Variants in AK8 observed in about 807,000 individuals in gnomAD.
AK8 encodes the protein adenylate kinase 8, also known as ATP-AMP transphosphorylase 8.
In AK8, 44 loss-of-function variants were observed where a neutral mutation model predicts 54.6. The observed-to-expected ratio is 0.81, with a 90% confidence interval of 0.63 to 1.04. The LOEUF (loss-of-function observed/expected upper bound fraction) is 1.04, where lower values mean the gene tolerates loss of function less well. Among genes scored for constraint, AK8 ranks in the 50% least tolerant of loss-of-function variants. AK8 has a pLI of 0.00. For missense variants in AK8, 555 were observed against 613.6 expected, an observed-to-expected ratio of 0.90 and a Z score of 1.01; for synonymous variants, 239 against 245.6, an observed-to-expected ratio of 0.97 and a Z score of 0.25.
At chr9:132,807,911 A>G (rs1044649263) in intron 10 of AK8, among the ~76,000 whole-genome samples, 4 of 152,084 alleles carry the variant, frequency 2.6e-5, no homozygotes, top group African/African-American at 9.7e-5. Flanking sequence ...GAAGGAGCTG[A>G]GGACATCATT....
At position 132,863,214 on chromosome 9, in the gene AK8, G is replaced by A. The variant is rs145683818; in HGVS notation, c.333+451C>T. On this transcript the variant is annotated intron_variant, in intron 4 of 12. Transcript: ENST00000298545. The stretch of plus-strand genomic sequence containing the variant: ...GTGCCCAAGGCTATGGGAGGGAGAC[G>A]CCTCTAAGGTACAGAACATGGGGGC... Among the ~76,000 whole-genome samples, 521 of 152,326 alleles carry A rather than the reference G, an allele frequency of 3.4e-3. 3 individuals are homozygous for A. The highest frequency in any genetic ancestry group is 0.012 in the African/African-American group (483 of 41,580).
In AK8 at chr9:132,860,325, T is replaced by C. The variant is rs138762143; in HGVS notation, c.333+3340A>G. On this transcript the variant is annotated intron_variant, in intron 4 of 12. Transcript: ENST00000298545. The surrounding 1 kb of genome is among the most constrained non-coding windows in gnomAD (Gnocchi z 4.4). The stretch of plus-strand genomic sequence containing the variant: ...ACACTTCTAGGTGTGATAATGTGTC[T>C]CTATGCGTTTACTGAAAAAGGGCCC... Among the ~76,000 whole-genome samples, 165 of 152,278 alleles carry C rather than the reference T, an allele frequency of 1.1e-3. No homozygotes were observed. The highest frequency in any genetic ancestry group is 3.9e-3 in the African/African-American group (162 of 41,546).
chr9:132,740,127 A>G (rs745846355), intron 11 of AK8, among the ~76,000 whole-genome samples: 17 of 152,188 alleles, frequency 1.1e-4, no homozygotes, highest in Non-Finnish European at 1.9e-4. Flanking sequence ...CAGTTCTAGC[A>G]CGCCCCTGCC....
chr9:132,736,186 CTTTT>C (rs34977784), intron 11 of AK8, among the ~76,000 whole-genome samples: 2 of 135,366 alleles, frequency 1.5e-5, no homozygotes, highest in Admixed American at 7.4e-5. Flanking sequence ...ACTATTCAGT[CTTTT>C]TTTTTTTTTT....
intron 5 of AK8, among the ~76,000 whole-genome samples, chr9:132,834,265 A>T (rs963995343): frequency 6.6e-6 from 1 of 152,216 alleles, no homozygotes; most frequent in Non-Finnish European, 1.5e-5. Context: ...TGGGACAGTG[A>T]TATGTTCTAA....
At chr9:132,744,692 C>T (rs1448891478) in intron 11 of AK8, among the ~76,000 whole-genome samples, 1 of 152,160 alleles carries the variant, frequency 6.6e-6, no homozygotes, top group East Asian at 1.9e-4. Flanking sequence ...ACAGTGTCCC[C>T]AGGAAACTGG....
chr9:132,730,699 G>A (rs1263538351), intron 11 of AK8, among the ~76,000 whole-genome samples: 3 of 152,134 alleles, frequency 2.0e-5, no homozygotes, highest in Admixed American at 6.5e-5. Context: ...CAGGGATTCT[G>A]AGCCAGGCAC....
At chr9:132,872,535 G>A (rs1843894534) in intron 2 of AK8, among the ~76,000 whole-genome samples, 2 of 152,062 alleles carry the variant, frequency 1.3e-5, no homozygotes, top group East Asian at 3.9e-4. Context: ...AGATGAAGTC[G>A]TGGCACCATG....
At chr9:132,859,867 C>T (rs148094319) in intron 4 of AK8, among the ~76,000 whole-genome samples, 2 of 152,106 alleles carry the variant, frequency 1.3e-5, no homozygotes, top group Non-Finnish European at 2.9e-5. Flanking sequence ...TTCAGGGGAA[C>T]GGGCCTGTGG....
At position 132,803,063 on chromosome 9, in the gene AK8, C is replaced by T. The variant is rs532866061; in HGVS notation, c.980-10288G>A. Among the ~76,000 whole-genome samples, 186 of 152,230 alleles carry T rather than the reference C, an allele frequency of 1.2e-3. 1 individual carries two copies. The highest frequency in any genetic ancestry group is 4.1e-3 in the African/African-American group (172 of 41,526). On this transcript the variant is annotated intron_variant, in intron 10 of 12. Coordinates refer to ENST00000298545, the MANE Select transcript of AK8 (RefSeq NM_152572.3). This position sits in a 1 kb window ranked among gnomAD's most constrained non-coding sequence, Gnocchi z 4.4. ...AGCAAACACGTCCTTCTTCACATAG[C>T]GGCAGCCAGGAGAGGTGCAGAGCGA...
chr9:132,742,862 G>A (rs575306458), intron 11 of AK8, among the ~76,000 whole-genome samples: 3 of 152,286 alleles, frequency 2.0e-5, no homozygotes, highest in South Asian at 2.1e-4. Context: ...GGTGTCATTA[G>A]AACAGATGAG....
At chr9:132,793,469 C>G (rs893810461) in intron 10 of AK8, among the ~76,000 whole-genome samples, 2 of 152,214 alleles carry the variant, frequency 1.3e-5, no homozygotes, top group Non-Finnish European at 2.9e-5. Flanking sequence ...TCAAGTGGGA[C>G]TGTGCCAGCG....
chr9:132,726,196 C>T (rs1049794787), intron 12 of AK8, among the ~76,000 whole-genome samples: 4 of 151,630 alleles, frequency 2.6e-5, no homozygotes, highest in African/African-American at 9.7e-5. Context: ...AAATTCTTTC[C>T]TTCCTCCCTC....
At chr9:132,792,531 G>T in intron 11 of AK8, 103 bp downstream of exon 11, 1 of 1,417,386 alleles carries the variant, frequency 7.1e-7, no homozygotes, top group South Asian at 1.5e-5. Flanking sequence ...TCCACTTCAG[G>T]AACACGTGAA....
intron 4 of AK8, among the ~76,000 whole-genome samples, chr9:132,855,429 T>C (rs1010720180): frequency 1.3e-5 from 2 of 151,422 alleles, no homozygotes; most frequent in Non-Finnish European, 1.5e-5. Flanking sequence ...CAGTGGCGGG[T>C]GGGAGGGGAT....
intron 1 of AK8, chr9:132,877,929 G>T: frequency 2.1e-6 from 2 of 950,048 alleles, no homozygotes; most frequent in Non-Finnish European, 3.3e-6. Flanking sequence ...ACCAAATCCC[G>T]GCTCGAGTGG....
chr9:132,771,880 C>A (rs1838993548), intron 11 of AK8, among the ~76,000 whole-genome samples: 1 of 152,174 alleles, frequency 6.6e-6, no homozygotes, highest in African/African-American at 2.4e-5. Context: ...ACTGACAGTT[C>A]CACATGGCTG....
At chr9:132,805,338 C>A (rs567715006) in intron 10 of AK8, among the ~76,000 whole-genome samples, 2 of 152,166 alleles carry the variant, frequency 1.3e-5, no homozygotes, top group South Asian at 4.1e-4. Context: ...GACATTCAGC[C>A]CAACAGGAAA....
Position 132,792,630 on chromosome 9 carries a change from T to A in AK8, c.1121+4A>T. ...GGGCTGCTGGCTTGGCTGGGGCAGC[T>A]CACCTGTTGGGATTGTAGCCCAGGC... On this transcript the variant is annotated splice_donor_region_variant and intron_variant, in intron 11 of 12. Coordinates refer to ENST00000298545, the MANE Select transcript of AK8 (RefSeq NM_152572.3). The A allele has an allele frequency of 6.4e-7, 1 of 1,550,466 alleles. No individual in the cohort carries two copies. The highest frequency in any genetic ancestry group is 8.7e-7 in the Non-Finnish European group (1 of 1,147,300).
Sources: gnomAD v4.1 joint callset for allele counts (sites outside exome capture counted in the v4.1 genomes callset) on GRCh38, gnomAD v4.1.1 for gene constraint, Gnocchi (gnomAD v3.1) non-coding constraint, MANE v1.5 for transcripts, NCBI Gene and HGNC (gene_info 2026-07-23, HGNC 2026-07-21) for gene names.